Variants in LPP observed in about 807,000 individuals in gnomAD.
The protein encoded by LPP is lipoma-preferred partner.
Under a neutral mutation model 60.4 loss-of-function variants are expected in LPP, and 38 were observed. The ratio of observed to expected loss-of-function variants is 0.63; its 90% confidence interval spans 0.49 to 0.83. LPP has a LOEUF of 0.83. Among genes scored for constraint, LPP ranks in the 40% least tolerant of loss-of-function variants. LPP has a pLI of 0.00. For synonymous variants in LPP, 328 were observed against 290.8 expected (o/e 1.13, Z -1.30); for missense variants, 902 against 783.6 (o/e 1.15, Z -1.80).
chr3:188,153,153 G>GGGCAT (rs1214664884), upstream of LPP: 1 of 152,238 alleles, frequency 6.6e-6, no homozygotes, highest in Non-Finnish European at 1.5e-5. Flanking sequence ...CACAGCTCGC[G>GGGCAT]GGCATCTAAC....
intron 4 of LPP, among the ~76,000 whole-genome samples, chr3:188,481,179 C>G (rs1804665774): frequency 6.6e-6 from 1 of 152,108 alleles, no homozygotes; most frequent in Admixed American, 6.5e-5. Flanking sequence ...TGAAACTCTC[C>G]CGGTTAGTTT....
intron 4 of LPP, among the ~76,000 whole-genome samples, chr3:188,443,099 G>T (rs1412674826): frequency 6.6e-6 from 1 of 152,172 alleles, no homozygotes; most frequent in Admixed American, 6.5e-5. Context: ...CTCAGAACTT[G>T]ATTTTCATTA....
chr3:188,486,221 T>A (rs547964456), intron 5 of LPP, among the ~76,000 whole-genome samples: 1 of 152,288 alleles, frequency 6.6e-6, no homozygotes, highest in Admixed American at 6.5e-5. Flanking sequence ...GTTCTATTAT[T>A]TGCCTTTCTT....
chr3:188,176,437 C>T (rs777672913), intron 1 of LPP, among the ~76,000 whole-genome samples: 2 of 152,064 alleles, frequency 1.3e-5, no homozygotes, highest in Non-Finnish European at 2.9e-5. Flanking sequence ...AAATCAGGCA[C>T]CCCGACTCAC....
intron 9 of LPP, among the ~76,000 whole-genome samples, chr3:188,797,155 T>C (rs990948810): frequency 6.9e-6 from 1 of 145,930 alleles, no homozygotes; most frequent in Non-Finnish European, 1.5e-5. Context: ...TCTTCCTCCT[T>C]CTTGCAAATA....
At chr3:188,278,920 T>C (rs1478282939) in intron 2 of LPP, among the ~76,000 whole-genome samples, 2 of 152,220 alleles carry the variant, frequency 1.3e-5, no homozygotes, top group Non-Finnish European at 2.9e-5. Context: ...CTTAGCATTT[T>C]TGTATTACTT....
intron 1 of LPP, among the ~76,000 whole-genome samples, chr3:188,219,874 T>C (rs1715124328): frequency 6.6e-6 from 1 of 152,144 alleles, no homozygotes; most frequent in Non-Finnish European, 1.5e-5. Context: ...TTCATAGAAC[T>C]CCCAATCCTC....
chr3:188,565,164 G>A (rs1434604372), intron 6 of LPP, among the ~76,000 whole-genome samples: 2 of 151,910 alleles, frequency 1.3e-5, no homozygotes, highest in African/African-American at 4.8e-5. Flanking sequence ...ACTAGCTGTG[G>A]CCAGAGTGCA....
At chr3:188,393,749 A>G (rs1252028628) in intron 3 of LPP, among the ~76,000 whole-genome samples, 1 of 152,186 alleles carries the variant, frequency 6.6e-6, no homozygotes. Flanking sequence ...CTTTTATATA[A>G]CAATCACTTG....
chr3:188,591,392 A>T (rs73194484), intron 6 of LPP, among the ~76,000 whole-genome samples: 156 of 152,282 alleles, frequency 1.0e-3, no homozygotes, highest in Non-Finnish European at 1.9e-3. Flanking sequence ...CTTAATGCAG[A>T]TCTCTTTGAG....
chr3:188,428,240 GC>G (rs1789972184), intron 4 of LPP, among the ~76,000 whole-genome samples: 1 of 152,116 alleles, frequency 6.6e-6, no homozygotes. Context: ...TCTGTGGGCT[GC>G]ACCCACTGTC....
chr3:188,804,254 T>TATATATATATATATATATAC (rs1748316557), intron 9 of LPP, among the ~76,000 whole-genome samples: 1 of 105,630 alleles, frequency 9.5e-6, no homozygotes, highest in Admixed American at 9.8e-5. Flanking sequence ...TATATATATA[T>TATATATATATATATATATAC]ATATATATAT....
rs543735330 is a variant in LPP, at chr3:188,515,394, A to C, written c.307-9271A>C. ...CATCAGAAACTGTCTGGATATTGAC[A>C]CCATGCTTCTTATATAGCCTGCATA... On this transcript the variant is annotated intron_variant, in intron 5 of 11. Coordinates refer to ENST00000617246, the MANE Select transcript of LPP (RefSeq NM_001375462.1). Among the ~76,000 whole-genome samples the C allele has an allele frequency of 7.2e-5, 11 of 152,246 alleles. No individual in the cohort carries two copies. In the East Asian group the frequency reaches 7.7e-4, roughly 11 times the overall value.
chr3:188,475,881 C>T (rs945787753), intron 4 of LPP, among the ~76,000 whole-genome samples: 2 of 152,010 alleles, frequency 1.3e-5, no homozygotes, highest in African/African-American at 4.8e-5. Flanking sequence ...CCAGCCTGGG[C>T]GACAGAGCAA....
chr3:188,495,064 T>TTTTATATATATATATATATA (rs1430620373), intron 5 of LPP, among the ~76,000 whole-genome samples: 1 of 53,878 alleles, frequency 1.9e-5, no homozygotes, highest in African/African-American at 7.0e-5. Flanking sequence ...GTTCAGGATT[T>TTTTATATATATATATATATA]TATATATATA....
intron 9 of LPP, among the ~76,000 whole-genome samples, chr3:188,838,350 G>A (rs1759015206): frequency 6.6e-6 from 1 of 152,152 alleles, no homozygotes; most frequent in Non-Finnish European, 1.5e-5. Context: ...GGACTCATAT[G>A]CACCTTTTGA....
At chr3:188,764,405 A>G (rs1733353209) in intron 9 of LPP, among the ~76,000 whole-genome samples, 1 of 152,278 alleles carries the variant, frequency 6.6e-6, no homozygotes, top group South Asian at 2.1e-4. Flanking sequence ...CAGAATTTTT[A>G]TCATTGCTTT....
chr3:188,755,715 G>A (rs531180784), intron 8 of LPP, among the ~76,000 whole-genome samples: 1 of 151,054 alleles, frequency 6.6e-6, no homozygotes, highest in South Asian at 2.1e-4. Flanking sequence ...AGGGCTGAGG[G>A]AGGAGGATCA....
At chr3:188,527,068 C>T (rs1395384071) in intron 6 of LPP, among the ~76,000 whole-genome samples, 1 of 152,070 alleles carries the variant, frequency 6.6e-6, no homozygotes, top group Non-Finnish European at 1.5e-5. Flanking sequence ...AAGCAAGCAC[C>T]AAGGCTGCAT....
Sources: allele counts gnomAD v4.1 joint callset (sites outside exome capture counted in the v4.1 genomes callset), GRCh38; gene constraint gnomAD v4.1.1; transcripts MANE v1.5; gene names NCBI Gene and HGNC (gene_info 2026-07-23, HGNC 2026-07-21).